Variants in DOCK7 observed in about 807,000 individuals in gnomAD.
The protein encoded by DOCK7 is dedicator of cytokinesis 7, also known as dedicator of cytokinesis protein 7.
A neutral mutation model predicts 271.0 loss-of-function variants in DOCK7; 138 were observed. The observed-to-expected ratio is 0.51, with a 90% confidence interval of 0.44 to 0.59. The LOEUF (loss-of-function observed/expected upper bound fraction) is 0.59. Ranked by LOEUF, DOCK7 falls within the 20% of genes least tolerant of loss-of-function variation. DOCK7 has a pLI of 0.00. For missense variants in DOCK7, 2,066 were observed against 2,592.4 expected (o/e 0.80, Z 4.41); for synonymous variants, 823 against 876.1 (o/e 0.94, Z 1.07).
chr1:62,683,089 T>C (rs1230414460), intron 1 of DOCK7, among the ~76,000 whole-genome samples: 1 of 152,070 alleles, frequency 6.6e-6, no homozygotes, highest in Admixed American at 6.6e-5. Flanking sequence ...AATTGTTAAA[T>C]AAGAGAAATG....
intron 28 of DOCK7, 44 bp from the exon 29 acceptor site, chr1:62,535,676 C>G: frequency 1.3e-6 from 2 of 1,585,388 alleles, no homozygotes; most frequent in Non-Finnish European, 1.7e-6. Flanking sequence ...AGCAGTGCAA[C>G]AAAGCATCCT....
chr1:62,640,899 T>C (rs562607655), intron 7 of DOCK7, among the ~76,000 whole-genome samples: 1 of 152,324 alleles, frequency 6.6e-6, no homozygotes, highest in Non-Finnish European at 1.5e-5. Context: ...CATGAACAAG[T>C]AGGTCATAGA....
At chr1:62,619,823 G>T in intron 13 of DOCK7, 77 bp downstream of exon 13, 3 of 785,112 alleles carry the variant, frequency 3.8e-6, no homozygotes, top group South Asian at 2.2e-5. Flanking sequence ...AAAAAAAAAA[G>T]ATACATAATT....
intron 1 of DOCK7, among the ~76,000 whole-genome samples, chr1:62,672,991 T>C (rs1348956995): frequency 2.0e-5 from 3 of 152,180 alleles, no homozygotes; most frequent in Admixed American, 2.0e-4. Flanking sequence ...CTAGAATGAC[T>C]ACCACCATTG....
chr1:62,526,997 G>A (rs142952152), intron 31 of DOCK7, among the ~76,000 whole-genome samples: 9 of 152,158 alleles, frequency 5.9e-5, no homozygotes, highest in South Asian at 4.1e-4. Flanking sequence ...TGATACCTGC[G>A]CAACTCCGTA....
chr1:62,471,478 A>G (rs1391599751), intron 48 of DOCK7, among the ~76,000 whole-genome samples: 1 of 152,204 alleles, frequency 6.6e-6, no homozygotes, highest in East Asian at 1.9e-4. Flanking sequence ...CCAGGGCAAC[A>G]TAGCGAGACT....
At chr1:62,502,688 TA>T (rs1451854732) in intron 37 of DOCK7, among the ~76,000 whole-genome samples, 4 of 152,126 alleles carry the variant, frequency 2.6e-5, no homozygotes, top group Admixed American at 1.3e-4. Flanking sequence ...GAAATTTTGC[TA>T]AATATGATAA....
intron 33 of DOCK7, among the ~76,000 whole-genome samples, chr1:62,512,894 G>T (rs1241210308): frequency 1.3e-5 from 2 of 151,610 alleles, no homozygotes; most frequent in African/African-American, 2.4e-5. Flanking sequence ...TTGGGTGACA[G>T]AGCGAGAATC....
At chr1:62,679,952 G>A (rs549231270) in intron 1 of DOCK7, among the ~76,000 whole-genome samples, 256 of 152,176 alleles carry the variant, frequency 1.7e-3, no homozygotes, top group African/African-American at 6.0e-3. Flanking sequence ...CGTGAAAATG[G>A]CCATACTGCC....
chr1:62,630,356 G>GT, intron 11 of DOCK7, among the ~76,000 whole-genome samples: 1 of 152,268 alleles, frequency 6.6e-6, no homozygotes, highest in South Asian at 2.1e-4. Context: ...CACTCTGCAT[G>GT]TAAGTTCCCT....
chr1:62,558,574 G>A (rs115199414), intron 20 of DOCK7, among the ~76,000 whole-genome samples: 1,626 of 152,188 alleles, frequency 0.011, 37 homozygotes, highest in African/African-American at 0.037. Context: ...TACATTAAGC[G>A]GAGGATAGCA....
intron 12 of DOCK7, among the ~76,000 whole-genome samples, chr1:62,622,648 C>A (rs937188999): frequency 6.6e-6 from 1 of 151,836 alleles, no homozygotes; most frequent in Non-Finnish European, 1.5e-5. Context: ...GAAACAAGGT[C>A]GGCCAGGCAC....
intron 2 of DOCK7, among the ~76,000 whole-genome samples, chr1:62,659,766 G>T (rs546335740): frequency 1.3e-5 from 2 of 152,118 alleles, no homozygotes; most frequent in African/African-American, 4.8e-5. Flanking sequence ...AGTTAATAAG[G>T]GAAAACACAG....
At chr1:62,600,309 T>C (rs147969598) in intron 14 of DOCK7, among the ~76,000 whole-genome samples, 31 of 151,846 alleles carry the variant, frequency 2.0e-4, no homozygotes, top group Non-Finnish European at 3.5e-4. Flanking sequence ...ACTCTAAAAA[T>C]TTAAGTAACT....
Position 62,528,258 on chromosome 1 carries a change from A to C in DOCK7, c.3829T>G (p.Tyr1277Asp), listed in dbSNP as rs1404535258. 1.2e-6 allele frequency: 2 copies of C among 1,613,668 alleles called. No homozygotes were observed. The highest frequency in any genetic ancestry group is 3.3e-5 in the Admixed American group (2 of 59,962). ...ATCATACTTCCGCTCTCACTTTCATAATCATCAGTGGCTATACAAATTGGT... is the reference window on the plus strand; with the variant it reads ...ATCATACTTCCGCTCTCACTTTCATCATCATCAGTGGCTATACAAATTGGT... Reference protein sequence around the residue: ...GRPICIATDDYESESGSMISQ... With the variant: ...GRPICIATDDDESESGSMISQ... The change falls in exon 31 of 50, where the codon TAT becomes GAT. Residue 1277 changes from tyrosine to aspartate, a missense_variant. Physicochemically the swap from Tyr to Asp is radical, Grantham distance 160. Transcript: ENST00000635253.
chr1:62,585,132 A>G (rs2149496123), intron 15 of DOCK7, among the ~76,000 whole-genome samples: 1 of 152,288 alleles, frequency 6.6e-6, no homozygotes, highest in Non-Finnish European at 1.5e-5. Flanking sequence ...AATAAATTCT[A>G]CAATTATTCA....
At chr1:62,650,482 G>T (rs560382620) in intron 4 of DOCK7, among the ~76,000 whole-genome samples, 8 of 152,196 alleles carry the variant, frequency 5.3e-5, no homozygotes, top group Non-Finnish European at 1.0e-4. Context: ...CACAGCAAAA[G>T]AAACTACCAT....
chr1:62,629,443 G>A (rs1654349127), intron 11 of DOCK7: 1 of 152,132 alleles, frequency 6.6e-6, no homozygotes, highest in African/African-American at 2.4e-5. Context: ...GGATGAACCT[G>A]AAAAACATTA....
chr1:62,518,229 A>G (rs905333069), intron 31 of DOCK7, among the ~76,000 whole-genome samples: 1 of 152,172 alleles, frequency 6.6e-6, no homozygotes, highest in Non-Finnish European at 1.5e-5. Context: ...TGAGGCCAGG[A>G]GTTCAAGATC....
Sources: allele counts gnomAD v4.1 joint callset (sites outside exome capture counted in the v4.1 genomes callset), GRCh38; gene constraint gnomAD v4.1.1; transcripts MANE v1.5; gene names NCBI Gene and HGNC (gene_info 2026-07-23, HGNC 2026-07-21).